The following RTL4 variants were observed in gnomAD, a reference collection of about 807,000 sequenced individuals.
The protein encoded by RTL4 is retrotransposon Gag like 4, also known as retrotransposon Gag-like protein 4.
Under a neutral mutation model 5.3 loss-of-function variants are expected in RTL4, and 4 were observed. The observed-to-expected ratio is 0.75, with a 90% CI of 0.37 to 1.72. The LOEUF is 1.72. RTL4 is among the 40% of genes most tolerant of loss of function. The pLI is 0.04. For synonymous variants in RTL4, 98 were observed against 87.3 expected, an observed-to-expected ratio of 1.12 and a Z score of -0.68; for missense variants, 260 against 227.1, an observed-to-expected ratio of 1.14 and a Z score of -0.93.
At chrX:112,146,341 A>C in the RTL4 span, among the ~76,000 whole-genome samples, 2 of 110,981 alleles carry the variant, frequency 1.8e-5, no homozygotes, top group East Asian at 5.7e-4. Flanking sequence ...AAAGGAAAAA[A>C]TTTGGGAGGG....
chrX:112,130,255 T>C, the RTL4 span, among the ~76,000 whole-genome samples: 1 of 109,155 alleles, frequency 9.2e-6, no homozygotes, highest in East Asian at 2.8e-4. Flanking sequence ...TCTTTTTTTT[T>C]TTTTTGAGAC....
At chrX:112,195,690 GC>G in the RTL4 span, among the ~76,000 whole-genome samples, 3 of 111,308 alleles carry the variant, frequency 2.7e-5, no homozygotes, top group Non-Finnish European at 5.7e-5. Flanking sequence ...AGTTAATGGA[GC>G]CTAGAAATTG....
the RTL4 span, among the ~76,000 whole-genome samples, chrX:112,293,407 C>A: frequency 7.1e-5 from 8 of 112,546 alleles, no homozygotes; most frequent in South Asian, 2.9e-3. Flanking sequence ...ATTCACTATT[C>A]ATTCAGATTT....
At chrX:112,236,319 A>C in the RTL4 span, among the ~76,000 whole-genome samples, 362 of 103,705 alleles carry the variant, frequency 3.5e-3, 3 homozygotes, top group African/African-American at 0.011. Context: ...TCTAGCTCAC[A>C]AGATTATTAT....
the RTL4 span, among the ~76,000 whole-genome samples, chrX:112,261,283 T>C: frequency 1.8e-5 from 2 of 111,335 alleles, no homozygotes; most frequent in African/African-American, 6.6e-5. Context: ...GATTGTATAT[T>C]TAGAAAACCG....
the RTL4 span, among the ~76,000 whole-genome samples, chrX:112,100,364 C>A: frequency 1.2e-4 from 13 of 110,880 alleles, no homozygotes; most frequent in Admixed American, 9.0e-4. Context: ...AATGAAAAAG[C>A]AAGACACAGA....
At chrX:112,128,691 A>T in the RTL4 span, among the ~76,000 whole-genome samples, 1 of 106,347 alleles carries the variant, frequency 9.4e-6, no homozygotes, top group African/African-American at 3.5e-5. Flanking sequence ...AAAAGAACTT[A>T]GAAGTTGGGT....
At chrX:112,197,635 C>A in the RTL4 span, among the ~76,000 whole-genome samples, 1 of 111,557 alleles carries the variant, frequency 9.0e-6, no homozygotes, top group Non-Finnish European at 1.9e-5. Flanking sequence ...GCACCATTGA[C>A]ATTACTGGCT....
chrX:112,190,188 CTTTCTTTCTTTCTTTCTTTT>C, the RTL4 span, among the ~76,000 whole-genome samples: 5 of 103,297 alleles, frequency 4.8e-5, no homozygotes, highest in East Asian at 1.5e-3. Flanking sequence ...TTCTTTCTTT[CTTTCTTTCTTTCTTTCTTTT>C]TTCTATACCT....
At chrX:112,423,402 A>G in the RTL4 span, among the ~76,000 whole-genome samples, 2 of 109,682 alleles carry the variant, frequency 1.8e-5, no homozygotes, top group Non-Finnish European at 3.8e-5. Context: ...TGCCCTGGTT[A>G]TATAGCATGA....
At chrX:112,147,028 G>T in the RTL4 span, among the ~76,000 whole-genome samples, 6 of 107,591 alleles carry the variant, frequency 5.6e-5, no homozygotes, top group African/African-American at 2.0e-4. Flanking sequence ...AGAGATGGGG[G>T]AGCTGAGTGA....
At chrX:112,101,139 A>G in the RTL4 span, among the ~76,000 whole-genome samples, 1 of 112,134 alleles carries the variant, frequency 8.9e-6, no homozygotes, top group Middle Eastern at 4.6e-3. Flanking sequence ...CCACAAAGGA[A>G]ACAATATATT....
At chrX:112,106,687 G>GT in the RTL4 span, among the ~76,000 whole-genome samples, 50 of 110,050 alleles carry the variant, frequency 4.5e-4, no homozygotes, top group Admixed American at 1.3e-3. Context: ...GTTATTTTTT[G>GT]TTTTTTTTGC....
At chrX:112,190,450 A>G in the RTL4 span, among the ~76,000 whole-genome samples, 1 of 110,747 alleles carries the variant, frequency 9.0e-6, no homozygotes, top group Non-Finnish European at 1.9e-5. Context: ...AAAGAGGCCC[A>G]GCTCCCCAAA....
At chrX:112,282,008 A>AT in the RTL4 span, among the ~76,000 whole-genome samples, 1 of 111,391 alleles carries the variant, frequency 9.0e-6, no homozygotes, top group Non-Finnish European at 1.9e-5. Flanking sequence ...TCACTTGTGT[A>AT]TTTTTGCTTT....
At chrX:112,433,050 G>A in the RTL4 span, among the ~76,000 whole-genome samples, 9 of 108,954 alleles carry the variant, frequency 8.3e-5, no homozygotes, top group African/African-American at 2.0e-4. Flanking sequence ...GTAGATATGC[G>A]GCATTATTTC....
chrX:112,103,937 A>G, the RTL4 span, among the ~76,000 whole-genome samples: 5 of 103,241 alleles, frequency 4.8e-5, no homozygotes, highest in African/African-American at 2.0e-4. Flanking sequence ...AGCATTTTCA[A>G]AAACACAATA....
the RTL4 span, among the ~76,000 whole-genome samples, chrX:112,228,428 G>A: frequency 8.9e-6 from 1 of 112,243 alleles, no homozygotes; most frequent in East Asian, 2.8e-4. Flanking sequence ...ACATTTGATT[G>A]ACAAAATTAT....
chrX:112,258,110 G>A, the RTL4 span, among the ~76,000 whole-genome samples: 1 of 110,071 alleles, frequency 9.1e-6, no homozygotes, highest in African/African-American at 3.3e-5. Flanking sequence ...AGCTTAGAGA[G>A]TGTTTTCCAT....
Sources: gnomAD v4.1 joint callset for allele counts (sites outside exome capture counted in the v4.1 genomes callset) on GRCh38, gnomAD v4.1.1 for gene constraint, MANE v1.5 for transcripts, NCBI Gene and HGNC (gene_info 2026-07-23, HGNC 2026-07-21) for gene names.